Variants in WNK1 observed in about 807,000 individuals in gnomAD.
WNK1 encodes the protein WNK lysine deficient protein kinase 1, also known as serine/threonine-protein kinase WNK1.
A neutral mutation model predicts 222.8 loss-of-function variants in WNK1; 38 were observed. The ratio of observed to expected loss-of-function variants is 0.17; its 90% CI spans 0.13 to 0.22. The LOEUF (loss-of-function observed/expected upper bound fraction) is 0.22, where lower values mean the gene tolerates loss of function less well. Among genes scored for constraint, WNK1 ranks in the 10% least tolerant of loss-of-function variants. The probability of loss-of-function intolerance (pLI) is 1.00; values close to 1 mark genes in which losing one functional copy is unlikely to be tolerated. For missense variants in WNK1, 2,348 were observed against 2,918.4 expected (o/e 0.80, Z 4.50); for synonymous variants, 1,090 against 1,092.9 (o/e 1.00, Z 0.05).
At chr12:773,686 A>G (rs1942797208) in intron 1 of WNK1, among the ~76,000 whole-genome samples, 1 of 152,204 alleles carries the variant, frequency 6.6e-6, no homozygotes, top group South Asian at 2.1e-4. Flanking sequence ...AGGCTGTCTC[A>G]GGTAGCAAAT....
intron 4 of WNK1, among the ~76,000 whole-genome samples, chr12:840,555 C>T (rs151279420): frequency 3.3e-4 from 50 of 152,330 alleles, no homozygotes; most frequent in Middle Eastern, 3.4e-3. Flanking sequence ...CAGCCACACT[C>T]ACTTGCTTCC....
At chr12:901,717 G>A (rs757343368) in intron 26 of WNK1, 30 of 947,914 alleles carry the variant, frequency 3.2e-5, no homozygotes, top group Admixed American at 7.4e-5. Context: ...GATGTTTCAC[G>A]CAGTCCATTT....
chr12:767,388 G>A (rs1941893195), intron 1 of WNK1, among the ~76,000 whole-genome samples: 1 of 151,902 alleles, frequency 6.6e-6, no homozygotes, highest in Admixed American at 6.6e-5. Context: ...GAGTAGCTGG[G>A]ATTACAGGCG....
At chr12:890,561 C>T (rs185854659) in intron 22 of WNK1, 48 bp downstream of exon 22, 79 of 1,599,174 alleles carry the variant, frequency 4.9e-5, no homozygotes, top group South Asian at 1.8e-4. Context: ...CAGCCCTACC[C>T]GTAGTTGATT....
intron 26 of WNK1, 41 bp from the exon 27 acceptor site, chr12:907,806 C>G: frequency 6.2e-7 from 1 of 1,610,696 alleles, no homozygotes; most frequent in Non-Finnish European, 8.5e-7. Context: ...AAATTGTAAC[C>G]TAGGCTTCTT....
Position 908,538 on chromosome 12 carries a change from C to T in WNK1, c.6895C>T (p.Leu2299=), listed in dbSNP as rs143616411. 8.7e-6 allele frequency: 14 copies of T among 1,614,058 alleles called. No homozygotes were observed. In the South Asian group the frequency reaches 9.9e-5, roughly 11 times the overall value. ...GQLCISMTSN[L]GGSAPISAAS... is the part of the protein sequence containing the mutation. ...ACTGTGCATCTCCATGACCTCGAAC[C>T]TGGGTGGCTCTGCCCCCATCTCTGC... The change falls in exon 28 of 28, where the codon CTG becomes TTG. Residue 2299 remains leucine (L), a synonymous_variant. Coordinates refer to ENST00000315939, the MANE Select transcript of WNK1 (RefSeq NM_018979.4).
At chr12:878,125 C>CA in intron 9 of WNK1, 87 bp from the exon 10 acceptor site, 1 of 1,518,816 alleles carries the variant, frequency 6.6e-7, no homozygotes, top group Non-Finnish European at 9.1e-7. Context: ...TATTTACAGA[C>CA]ACTGAAGGCT....
chr12:769,054 C>A (rs1040170913), intron 1 of WNK1, among the ~76,000 whole-genome samples: 1 of 151,906 alleles, frequency 6.6e-6, no homozygotes, highest in Non-Finnish European at 1.5e-5. Context: ...ATGATCCACC[C>A]GCCTCAGCCT....
chr12:896,573 G>A lies in WNK1; in HGVS notation c.6086G>A (p.Ser2029Asn), dbSNP rs1191400971. The A allele has an allele frequency of 6.2e-7, 1 of 1,612,534 alleles. No individual in the cohort carries two copies. The highest frequency in any genetic ancestry group is 1.1e-5 in the South Asian group (1 of 90,972). Residue 2029 changes from serine (S) to asparagine (N), a missense_variant, in exon 24 of 28, where the codon AGT becomes AAT. Transcript: ENST00000315939. ...LSRDVDDGSG[S>N]PHSPHQLSSK... ...AGGGATGTGGATGATGGTTCCGGTA[G>A]TCCACACTCGCCCCATCAGCTGAGC...
intron 17 of WNK1, 126 bp downstream of exon 17, chr12:883,957 G>A (rs1953421026): frequency 6.8e-7 from 1 of 1,478,994 alleles, no homozygotes; most frequent in Non-Finnish European, 9.3e-7. Context: ...GAACCCAGGA[G>A]GCGGAGGTTG....
chr12:900,206 G>A lies in WNK1; in HGVS notation c.6449-270G>A, dbSNP rs11611051. Among the ~76,000 whole-genome samples the A allele has an allele frequency of 0.39, 58,599 of 151,430 alleles. 11,756 individuals carry two copies. Among genetic ancestry groups the A allele is most frequent in the East Asian group, 0.53 (2,722 of 5,128 alleles). ...TCATCATGTTGGCCAGGCTGGTCTC[G>A]AACTCCTGACCTCAGGTGATCCGCC... On this transcript the variant is annotated intron_variant, in intron 25 of 27. Transcript: ENST00000315939.
At chr12:773,329 T>C (rs181908089) in intron 1 of WNK1, among the ~76,000 whole-genome samples, 7 of 152,326 alleles carry the variant, frequency 4.6e-5, no homozygotes, top group Non-Finnish European at 1.5e-5. Context: ...AAAGCCTTAC[T>C]GTGCCTTTTC....
At chr12:878,069 T>C in intron 9 of WNK1, 143 bp from the exon 10 acceptor site, 2 of 996,836 alleles carry the variant, frequency 2.0e-6, no homozygotes, top group South Asian at 1.4e-5. Context: ...ATAATGGAAA[T>C]TGATGAATTT....
intron 23 of WNK1, among the ~76,000 whole-genome samples, chr12:894,888 G>C (rs1166875509): frequency 2.0e-5 from 3 of 152,172 alleles, no homozygotes; most frequent in Non-Finnish European, 4.4e-5. Flanking sequence ...TTACTTTTTG[G>C]GGTGTATTTC....
intron 1 of WNK1, among the ~76,000 whole-genome samples, chr12:756,436 C>T (rs571081094): frequency 1.3e-5 from 2 of 152,268 alleles, no homozygotes; most frequent in African/African-American, 4.8e-5. Context: ...AATTCTCTAT[C>T]TAGGCATGGG....
chr12:781,235 T>C (rs1168731628), intron 1 of WNK1: 1 of 155,046 alleles, frequency 6.4e-6, no homozygotes, highest in East Asian at 1.8e-4. Context: ...AGCTTTGCTT[T>C]ACCTTGGTAC....
chr12:887,162 A>G (rs1953741030), intron 19 of WNK1, 59 bp from the exon 20 acceptor site: 2 of 1,437,906 alleles, frequency 1.4e-6, no homozygotes, highest in East Asian at 2.3e-5. Flanking sequence ...TTTGCTCTTC[A>G]GTACGCAGTC....
intron 20 of WNK1, among the ~76,000 whole-genome samples, chr12:888,841 A>G (rs953843117): frequency 8.5e-5 from 13 of 152,254 alleles, no homozygotes; most frequent in African/African-American, 3.1e-4. Context: ...GGTCGCACAA[A>G]TAAATAACTC....
At chr12:819,196 GTTTTTTTGTTGATTTA>G (rs1269837563) in intron 2 of WNK1, among the ~76,000 whole-genome samples, 1 of 151,962 alleles carries the variant, frequency 6.6e-6, no homozygotes, top group African/African-American at 2.4e-5. Flanking sequence ...TGGATTGCTT[GTTTTTTTGTTGATTTA>G]TTAGAGTTCT....
Sources: gnomAD v4.1 joint callset for allele counts (sites outside exome capture counted in the v4.1 genomes callset) on GRCh38, gnomAD v4.1.1 for gene constraint, MANE v1.5 for transcripts, NCBI Gene and HGNC (gene_info 2026-07-23, HGNC 2026-07-21) for gene names.